The following SLC9A9 variants were observed in gnomAD, a reference collection of about 807,000 sequenced individuals.
SLC9A9 encodes solute carrier family 9 member A9, also known as sodium/hydrogen exchanger 9.
A neutral mutation model predicts 77.8 loss-of-function variants in SLC9A9; 62 were observed. The observed-to-expected ratio is 0.80, with a 90% confidence interval of 0.65 to 0.98. The LOEUF is 0.98. Ranked by LOEUF, SLC9A9 falls within the 50% of genes least tolerant of loss-of-function variation. SLC9A9 has a pLI of 0.00. For synonymous variants in SLC9A9, 320 were observed against 283.5 expected, an observed-to-expected ratio of 1.13 and a Z score of -1.29; for missense variants, 775 against 774.9, an observed-to-expected ratio of 1.00 and a Z score of 0.00.
At chr3:143,537,150 G>A (rs980420587) in intron 9 of SLC9A9, among the ~76,000 whole-genome samples, 19 of 152,206 alleles carry the variant, frequency 1.2e-4, no homozygotes, top group African/African-American at 4.6e-4. Flanking sequence ...AGCATCTGGT[G>A]TCTTTCTAGA....
chr3:143,339,730 T>C (rs541507052), intron 14 of SLC9A9, among the ~76,000 whole-genome samples: 2 of 152,284 alleles, frequency 1.3e-5, no homozygotes, highest in Non-Finnish European at 2.9e-5. Flanking sequence ...AATAATCACG[T>C]CTACTCTGAT....
intron 5 of SLC9A9, among the ~76,000 whole-genome samples, chr3:143,669,484 T>C (rs1173803437): frequency 2.0e-5 from 3 of 152,206 alleles, no homozygotes; most frequent in Non-Finnish European, 4.4e-5. Flanking sequence ...AAATTTCATC[T>C]TCAGAACACC....
chr3:143,595,496 C>T (rs542924869), intron 6 of SLC9A9, among the ~76,000 whole-genome samples: 17 of 152,184 alleles, frequency 1.1e-4, no homozygotes, highest in Non-Finnish European at 2.2e-4. Context: ...TAAACCAATA[C>T]ATCCTTCAAT....
chr3:143,548,915 C>A (rs1248717079), intron 9 of SLC9A9, among the ~76,000 whole-genome samples: 1 of 152,190 alleles, frequency 6.6e-6, no homozygotes, highest in East Asian at 1.9e-4. Flanking sequence ...TAAATCATGT[C>A]ATCTTTGAAT....
intron 14 of SLC9A9, among the ~76,000 whole-genome samples, chr3:143,272,082 A>C (rs946639025): frequency 6.6e-6 from 1 of 152,192 alleles, no homozygotes; most frequent in African/African-American, 2.4e-5. Context: ...AGAAAGGGGA[A>C]ATCAAAGTTG....
chr3:143,476,180 G>A lies in SLC9A9; in HGVS notation c.1316-8990C>T, dbSNP rs534274950. ...TTCCAGGATAATGCAATCTTGCTAC[G>A]TGGTTCCATTTTCAGTTCAACATCA... On this transcript the variant is annotated intron_variant, in intron 11 of 15. Transcript: ENST00000316549. 4.3e-4 allele frequency among the ~76,000 whole-genome samples: 65 copies of A among 152,186 alleles called. 1 individual carries two copies. The highest frequency in any genetic ancestry group is 6.8e-3 in the Middle Eastern group (2 of 294).
chr3:143,519,903 A>T (rs1168589254), intron 9 of SLC9A9, among the ~76,000 whole-genome samples: 1 of 152,202 alleles, frequency 6.6e-6, no homozygotes, highest in Admixed American at 6.5e-5. Flanking sequence ...ATGCTTGAAT[A>T]GGCGTTTGGG....
At chr3:143,692,480 G>A (rs1056346582) in intron 5 of SLC9A9, among the ~76,000 whole-genome samples, 11 of 152,162 alleles carry the variant, frequency 7.2e-5, no homozygotes, top group Non-Finnish European at 7.4e-5. Context: ...GAGAGAGTGG[G>A]TGTGGAGGGG....
intron 12 of SLC9A9, among the ~76,000 whole-genome samples, chr3:143,458,515 T>A (rs985626972): frequency 4.6e-5 from 7 of 152,146 alleles, no homozygotes; most frequent in African/African-American, 1.7e-4. Context: ...TTTCGTCTCC[T>A]GCCTTCCTTG....
At chr3:143,655,443 C>G (rs1253887767) in intron 5 of SLC9A9, 1 of 983,476 alleles carries the variant, frequency 1.0e-6, no homozygotes. Flanking sequence ...AATCCGATTT[C>G]TTAAACCTTT....
intron 4 of SLC9A9, among the ~76,000 whole-genome samples, chr3:143,708,295 A>G (rs1934047295): frequency 6.6e-6 from 1 of 152,112 alleles, no homozygotes; most frequent in African/African-American, 2.4e-5. Flanking sequence ...TCTCTGACTT[A>G]CCTAAAGCAC....
intron 4 of SLC9A9, among the ~76,000 whole-genome samples, chr3:143,780,720 G>A (rs2007846331): frequency 1.4e-5 from 2 of 147,376 alleles, no homozygotes; most frequent in Admixed American, 6.6e-5. Context: ...CAGTGTTGGG[G>A]ATGACTGGTC....
chr3:143,517,587 C>T, intron 9 of SLC9A9: 1 of 1,597,528 alleles, frequency 6.3e-7, no homozygotes, highest in South Asian at 1.1e-5. Context: ...CTAGCATCTT[C>T]ATCATAATCC....
At chr3:143,746,664 A>G (rs1046437907) in intron 4 of SLC9A9, among the ~76,000 whole-genome samples, 2 of 152,086 alleles carry the variant, frequency 1.3e-5, no homozygotes, top group African/African-American at 4.8e-5. Flanking sequence ...ATTTGAATAC[A>G]TTTACCTTTT....
At chr3:143,728,060 T>A (rs991884258) in intron 4 of SLC9A9, among the ~76,000 whole-genome samples, 1 of 152,214 alleles carries the variant, frequency 6.6e-6, no homozygotes, top group African/African-American at 2.4e-5. Context: ...TTTTGGGTGC[T>A]AGTTGTTAGT....
At chr3:143,695,527 TG>T (rs1170447397) in intron 4 of SLC9A9, among the ~76,000 whole-genome samples, 1 of 152,184 alleles carries the variant, frequency 6.6e-6, no homozygotes, top group African/African-American at 2.4e-5. Flanking sequence ...ATCCTTTTCA[TG>T]GCTGCATAGT....
At chr3:143,697,423 T>A (rs977754885) in intron 4 of SLC9A9, among the ~76,000 whole-genome samples, 1 of 152,136 alleles carries the variant, frequency 6.6e-6, no homozygotes, top group Non-Finnish European at 1.5e-5. Context: ...CAAAGAACAA[T>A]GTACATTAGT....
rs189103439 is a variant in SLC9A9 at position 143,718,499 on chromosome 3, G to A, written c.534-25192C>T. ...TAAAGGCACAGACACCAATGTGCCC[G>A]CGAGATTGGATCAGGTTCAGCTGTG... is the stretch of plus-strand genomic sequence containing the variant. On this transcript the variant is annotated intron_variant, in intron 4 of 15. Coordinates refer to ENST00000316549, the MANE Select transcript of SLC9A9 (RefSeq NM_173653.4). Among the ~76,000 whole-genome samples the A allele has an allele frequency of 1.3e-3, 204 of 152,288 alleles. 2 individuals carry two copies. The highest frequency in any genetic ancestry group is 4.8e-3 in the African/African-American group (198 of 41,566).
At chr3:143,663,919 CAGG>C (rs767952695) in intron 5 of SLC9A9, among the ~76,000 whole-genome samples, 1 of 152,056 alleles carries the variant, frequency 6.6e-6, no homozygotes, top group South Asian at 2.1e-4. Context: ...GGATATTATC[CAGG>C]AGAACTTCCC....
Sources: gnomAD v4.1 joint callset for allele counts (sites outside exome capture counted in the v4.1 genomes callset) on GRCh38, gnomAD v4.1.1 for gene constraint, MANE v1.5 for transcripts, NCBI Gene and HGNC (gene_info 2026-07-23, HGNC 2026-07-21) for gene names.